Variants in EPB41L4A observed in about 807,000 individuals in gnomAD.
EPB41L4A encodes the protein band 4.1-like protein 4A.
In EPB41L4A, 100 loss-of-function variants were observed where a neutral mutation model predicts 108.6. That is an observed-to-expected ratio of 0.92 (90% CI 0.78 to 1.09). EPB41L4A has a LOEUF of 1.09. Among genes scored for constraint, EPB41L4A ranks in the 50% least tolerant of loss-of-function variants. EPB41L4A has a pLI of 0.00. For synonymous variants in EPB41L4A, 319 were observed against 289.0 expected (o/e 1.10, Z -1.05); for missense variants, 1,030 against 842.7 (o/e 1.22, Z -2.75).
Position 112,307,445 on chromosome 5 carries a change from C to CG in EPB41L4A, c.144dup (p.Val49ArgfsTer15). 6.2e-7 allele frequency: 1 copy of CG among 1,613,216 alleles called. No homozygotes were observed. The highest frequency in any genetic ancestry group is 8.5e-7 in the Non-Finnish European group (1 of 1,179,334). On this transcript the variant is annotated frameshift_variant, in exon 2 of 23. Transcript: ENST00000261486. LOFTEE classifies it high-confidence loss of function. ...AAATAATCTATCTCCACAAGGTTTA[C>CG]GTGATGGAATACGTGGTCAAGGACA...
At chr5:112,302,103 T>C (rs1440058952) in intron 2 of EPB41L4A, among the ~76,000 whole-genome samples, 1 of 152,122 alleles carries the variant, frequency 6.6e-6, no homozygotes. Context: ...AATATGACAA[T>C]TTGATTTTAC....
At chr5:112,313,997 G>A (rs1296764183) in intron 1 of EPB41L4A, among the ~76,000 whole-genome samples, 2 of 151,076 alleles carry the variant, frequency 1.3e-5, no homozygotes, top group African/African-American at 4.9e-5. Context: ...CGAAGTAGCT[G>A]GGACTACAGG....
chr5:112,272,699 T>C (rs908940264), intron 4 of EPB41L4A, among the ~76,000 whole-genome samples: 3 of 137,026 alleles, frequency 2.2e-5, no homozygotes, highest in African/African-American at 8.1e-5. Flanking sequence ...GAGAATCACT[T>C]GAACATAGGA....
At chr5:112,334,514 A>T (rs1756793379) in intron 1 of EPB41L4A, among the ~76,000 whole-genome samples, 1 of 152,056 alleles carries the variant, frequency 6.6e-6, no homozygotes, top group Non-Finnish European at 1.5e-5. Context: ...CCTTATCTTA[A>T]CCCAGACACT....
intron 17 of EPB41L4A, among the ~76,000 whole-genome samples, chr5:112,188,139 G>A (rs1482483425): frequency 6.6e-6 from 1 of 152,094 alleles, no homozygotes; most frequent in Non-Finnish European, 1.5e-5. Flanking sequence ...AATTAAATCT[G>A]CAGGCCCCAA....
rs765721807 is a variant in EPB41L4A at position 112,205,503 on chromosome 5, A to G, written c.1180T>C (p.Phe394Leu). Residue 394 changes from phenylalanine to leucine, a missense_variant and splice_region_variant, in exon 14 of 23, where the codon TTT becomes CTT. Coordinates refer to ENST00000261486, the MANE Select transcript of EPB41L4A (RefSeq NM_022140.5). ...KIIAPSPVKS[F>L]KKAKNENSPD... ...CTATTTTCATTCTTTGCTTTCTTAA[A>G]GCTTTAATTTTAAAAAAAAGTATGA... 6.3e-7 allele frequency: 1 copy of G among 1,597,270 alleles called. No individual in the cohort carries two copies. Among genetic ancestry groups the G allele is most frequent in the South Asian group, 1.1e-5 (1 of 87,608 alleles).
At chr5:112,194,333 C>A (rs1397792251) in intron 17 of EPB41L4A, among the ~76,000 whole-genome samples, 1 of 152,032 alleles carries the variant, frequency 6.6e-6, no homozygotes, top group Non-Finnish European at 1.5e-5. Flanking sequence ...TTAAAACACA[C>A]ACACACACAC....
At chr5:112,146,609 G>T (rs567585959) in intron 12 of EPB41L4A, among the ~76,000 whole-genome samples, 2 of 152,214 alleles carry the variant, frequency 1.3e-5, no homozygotes, top group Admixed American at 1.3e-4. Context: ...ATTTATTTTT[G>T]TCTAGCAACT....
At chr5:112,251,266 G>C (rs995664392) in intron 9 of EPB41L4A, among the ~76,000 whole-genome samples, 3 of 152,150 alleles carry the variant, frequency 2.0e-5, no homozygotes, top group African/African-American at 7.2e-5. Flanking sequence ...CTATGACCTA[G>C]CAATCCCACT....
intron 1 of EPB41L4A, among the ~76,000 whole-genome samples, chr5:112,363,859 A>T (rs564867269): frequency 6.6e-6 from 1 of 152,246 alleles, no homozygotes; most frequent in African/African-American, 2.4e-5. Flanking sequence ...ATACTCACTT[A>T]AACACTGAAA....
intron 1 of EPB41L4A, among the ~76,000 whole-genome samples, chr5:112,389,922 T>C (rs575977652): frequency 6.6e-6 from 1 of 152,272 alleles, no homozygotes; most frequent in East Asian, 1.9e-4. Context: ...ACCAGGGCAG[T>C]TTCACACAAT....
intron 1 of EPB41L4A, among the ~76,000 whole-genome samples, chr5:112,393,121 G>T (rs1761065712): frequency 6.6e-6 from 1 of 152,112 alleles, no homozygotes; most frequent in Non-Finnish European, 1.5e-5. Flanking sequence ...AGCACTAAAT[G>T]CCCACAAGAG....
intron 1 of EPB41L4A, among the ~76,000 whole-genome samples, chr5:112,324,470 A>C (rs1756008197): frequency 6.6e-6 from 1 of 152,096 alleles, no homozygotes; most frequent in African/African-American, 2.4e-5. Flanking sequence ...TGGTGCCTGT[A>C]ATCCTAACAC....
chr5:112,311,825 G>C (rs1439799053), intron 1 of EPB41L4A, among the ~76,000 whole-genome samples: 3 of 152,122 alleles, frequency 2.0e-5, no homozygotes, highest in African/African-American at 7.2e-5. Flanking sequence ...TATGAAGATA[G>C]TCTTCCATTT....
Position 112,193,914 on chromosome 5 carries a change from G to A in EPB41L4A, c.1502+654C>T, listed in dbSNP as rs141136688. On this transcript the variant is annotated intron_variant, in intron 17 of 22. Transcript: ENST00000261486. ...ACTGGGTTAACAACTGGCATGACTGGCAACCAAATCCCTCTGACTCCCAAG... is the reference window on the plus strand; with the variant it reads ...ACTGGGTTAACAACTGGCATGACTGACAACCAAATCCCTCTGACTCCCAAG... Among the ~76,000 whole-genome samples the A allele has an allele frequency of 7.0e-4, 106 of 152,280 alleles. No individual in the cohort carries two copies. The East Asian group carries it at 0.02, about 29-fold the overall frequency.
At chr5:112,325,793 G>C (rs1159299878) in intron 1 of EPB41L4A, among the ~76,000 whole-genome samples, 5 of 152,234 alleles carry the variant, frequency 3.3e-5, no homozygotes, top group African/African-American at 7.2e-5. Flanking sequence ...TCATTTGTGA[G>C]ATGGGATAAC....
At chr5:112,263,514 T>C (rs1751635581) in intron 6 of EPB41L4A, 1 of 152,230 alleles carries the variant, frequency 6.6e-6, no homozygotes, top group Admixed American at 6.5e-5. Flanking sequence ...CCAAAGCTCC[T>C]TGATAATTTC....
intron 1 of EPB41L4A, among the ~76,000 whole-genome samples, chr5:112,416,701 G>A (rs1042600786): frequency 1.6e-4 from 25 of 152,106 alleles, no homozygotes; most frequent in Non-Finnish European, 3.2e-4. Flanking sequence ...TTAATTTTAA[G>A]TAATTAATGC....
At chr5:112,317,244 C>A (rs1044465817) in intron 1 of EPB41L4A, among the ~76,000 whole-genome samples, 2 of 152,076 alleles carry the variant, frequency 1.3e-5, no homozygotes, top group Non-Finnish European at 2.9e-5. Flanking sequence ...CAAATTAGAG[C>A]AAAAGAAAGA....
Sources: gnomAD v4.1 joint callset for allele counts (sites outside exome capture counted in the v4.1 genomes callset) on GRCh38, gnomAD v4.1.1 for gene constraint, MANE v1.5 for transcripts, NCBI Gene and HGNC (gene_info 2026-07-23, HGNC 2026-07-21) for gene names.